Variants in CELF2 observed in about 807,000 individuals in gnomAD.
CELF2 encodes CUGBP Elav-like family member 2.
CELF2 carries 8 observed loss-of-function variants against 62.6 expected under a neutral mutation model. The observed-to-expected ratio is 0.13, with a 90% CI of 0.07 to 0.23. The LOEUF is 0.23. Ranked by LOEUF, CELF2 falls within the 10% of genes least tolerant of loss-of-function variation. The probability of loss-of-function intolerance (pLI) is 1.00; values close to 1 mark genes in which losing one functional copy is unlikely to be tolerated. For missense variants in CELF2, 333 were observed against 671.0 expected (o/e 0.50, Z 5.56); for synonymous variants, 258 against 250.0 (o/e 1.03, Z -0.30).
the CELF2 span, among the ~76,000 whole-genome samples, chr10:10,575,354 C>A: frequency 6.6e-6 from 1 of 152,176 alleles, no homozygotes; most frequent in South Asian, 2.1e-4. Context: ...CCTTTATCAA[C>A]CAAAGTTGTC....
At chr10:10,639,426 T>C in the CELF2 span, among the ~76,000 whole-genome samples, 2 of 152,204 alleles carry the variant, frequency 1.3e-5, no homozygotes, top group African/African-American at 4.8e-5. Context: ...TCTTTTAAAA[T>C]ATTAAGTATA....
chr10:10,796,654 C>A (rs753537091), upstream of CELF2, among the ~76,000 whole-genome samples: 1 of 152,170 alleles, frequency 6.6e-6, no homozygotes, highest in Non-Finnish European at 1.5e-5. Context: ...TCATTATAAT[C>A]TTTTGCTACT....
chr10:10,890,001 A>G (rs1191001941), intron 1 of CELF2, among the ~76,000 whole-genome samples: 1 of 152,184 alleles, frequency 6.6e-6, no homozygotes, highest in Non-Finnish European at 1.5e-5. Flanking sequence ...TGCTAAAATC[A>G]AAAGTATACA....
the CELF2 span, among the ~76,000 whole-genome samples, chr10:10,764,736 G>A: frequency 6.6e-6 from 1 of 152,162 alleles, no homozygotes; most frequent in East Asian, 1.9e-4. Context: ...GCAATTGGAA[G>A]CCAATATTTG....
the CELF2 span, among the ~76,000 whole-genome samples, chr10:10,659,649 C>T: frequency 6.6e-5 from 10 of 152,260 alleles, no homozygotes; most frequent in African/African-American, 2.4e-4. Flanking sequence ...TTCAAACCAC[C>T]CTGCATACCC....
intron 7 of CELF2, among the ~76,000 whole-genome samples, chr10:11,272,666 C>T (rs1019016976): frequency 6.6e-6 from 1 of 152,242 alleles, no homozygotes; most frequent in African/African-American, 2.4e-5. Context: ...GTTCTCACTA[C>T]GTTTCCCTCT....
At chr10:11,200,513 G>GGTATT (rs1370201338) in intron 2 of CELF2, among the ~76,000 whole-genome samples, 1 of 152,236 alleles carries the variant, frequency 6.6e-6, no homozygotes, top group Non-Finnish European at 1.5e-5. Flanking sequence ...TACCTGGAAA[G>GGTATT]CATTTTAAAT....
intron 1 of CELF2, among the ~76,000 whole-genome samples, chr10:11,141,915 C>G (rs2061410426): frequency 6.6e-6 from 1 of 152,188 alleles, no homozygotes; most frequent in Non-Finnish European, 1.5e-5. Context: ...TTGCAGCTGA[C>G]ATATTATTAA....
chr10:10,480,529 A>G, the CELF2 span, among the ~76,000 whole-genome samples: 1 of 152,188 alleles, frequency 6.6e-6, no homozygotes, highest in Non-Finnish European at 1.5e-5. Context: ...AGTCCTTAGT[A>G]GAATCACAGG....
At chr10:10,585,851 G>A in the CELF2 span, among the ~76,000 whole-genome samples, 1 of 152,110 alleles carries the variant, frequency 6.6e-6, no homozygotes, top group Non-Finnish European at 1.5e-5. Flanking sequence ...CAGCAACTGG[G>A]AAGAAAAATT....
intron 1 of CELF2, among the ~76,000 whole-genome samples, chr10:11,040,838 A>G (rs1322354643): frequency 6.6e-6 from 1 of 152,136 alleles, no homozygotes; most frequent in Non-Finnish European, 1.5e-5. Context: ...AATATTTTCA[A>G]TATTTTTCCA....
chr10:10,795,382 T>C (rs539619004), upstream of CELF2, among the ~76,000 whole-genome samples: 2 of 152,280 alleles, frequency 1.3e-5, no homozygotes, highest in Admixed American at 1.3e-4. Flanking sequence ...GAATGAACTC[T>C]TACAATTTAT....
chr10:10,880,597 A>G (rs2061384783), intron 1 of CELF2, among the ~76,000 whole-genome samples: 1 of 152,166 alleles, frequency 6.6e-6, no homozygotes, highest in South Asian at 2.1e-4. Flanking sequence ...TATGTTGAGC[A>G]TATGGATTTT....
the CELF2 span, among the ~76,000 whole-genome samples, chr10:10,518,069 T>C: frequency 6.6e-6 from 1 of 152,198 alleles, no homozygotes. Flanking sequence ...GAACGTCTCA[T>C]TCAGGCTTAG....
the CELF2 span, among the ~76,000 whole-genome samples, chr10:10,529,479 G>C: frequency 6.6e-6 from 1 of 152,084 alleles, no homozygotes; most frequent in Admixed American, 6.6e-5. Context: ...GAAGTTAGGA[G>C]TTCAAGACCA....
the CELF2 span, among the ~76,000 whole-genome samples, chr10:10,750,739 A>G: frequency 6.6e-6 from 1 of 152,264 alleles, no homozygotes; most frequent in Admixed American, 6.5e-5. Context: ...CACAAATTCT[A>G]GCCCTGGTGA....
the CELF2 span, among the ~76,000 whole-genome samples, chr10:10,579,573 A>G: frequency 6.6e-6 from 1 of 152,152 alleles, no homozygotes; most frequent in Admixed American, 6.6e-5. Context: ...GTATAAATAC[A>G]TATTTGTGGC....
chr10:11,198,156 T>G (rs2058421478), intron 2 of CELF2, among the ~76,000 whole-genome samples: 1 of 152,236 alleles, frequency 6.6e-6, no homozygotes, highest in African/African-American at 2.4e-5. Context: ...CTAAGACTGA[T>G]GAAATGTTTA....
chr10:10,547,690 AGAGT>A, the CELF2 span, among the ~76,000 whole-genome samples: 423 of 131,100 alleles, frequency 3.2e-3, 1 homozygote, highest in Admixed American at 8.0e-3. Context: ...AGAGAGAGAG[AGAGT>A]GTGTGTGTGT....
Sources: gnomAD v4.1 joint callset for allele counts (sites outside exome capture counted in the v4.1 genomes callset) on GRCh38, gnomAD v4.1.1 for gene constraint, MANE v1.5 for transcripts, NCBI Gene and HGNC (gene_info 2026-07-23, HGNC 2026-07-21) for gene names.